The following PCDHGB2 variants were observed in gnomAD, a reference collection of about 807,000 sequenced individuals.
The protein encoded by PCDHGB2 is protocadherin gamma-B2.
Under a neutral mutation model 59.3 loss-of-function variants are expected in PCDHGB2, and 55 were observed. The ratio of observed to expected loss-of-function variants is 0.93; its 90% confidence interval spans 0.75 to 1.16. The LOEUF (loss-of-function observed/expected upper bound fraction) is 1.16, where lower values mean the gene tolerates loss of function less well. Among genes scored for constraint, PCDHGB2 ranks in the 50% most tolerant of loss-of-function variants. The pLI, the probability that PCDHGB2 is intolerant of heterozygous loss-of-function variation, is 0.00. For missense variants in PCDHGB2, 1,228 were observed against 1,198.5 expected, an observed-to-expected ratio of 1.02 and a Z score of -0.36; for synonymous variants, 516 against 512.0, an observed-to-expected ratio of 1.01 and a Z score of -0.11.
At chr5:141,393,821 G>T (rs2240700) in intron 1 of PCDHGB2, 228,339 of 1,613,716 alleles carry the variant, frequency 0.14, 18,414 homozygotes, top group African/African-American at 0.32. Context: ...TGCTCATTTC[G>T]GTGGAAGATG....
intron 1 of PCDHGB2, chr5:141,395,524 T>A: frequency 2.5e-6 from 1 of 392,376 alleles, no homozygotes; most frequent in Non-Finnish European, 4.5e-6. Flanking sequence ...CCGTCCATAC[T>A]GGTAATTTTG....
Position 141,431,474 on chromosome 5 carries a change from G to C in PCDHGB2, c.2422-63333G>C. On this transcript the variant is annotated intron_variant, in intron 1 of 3. Coordinates refer to ENST00000522605, the MANE Select transcript of PCDHGB2 (RefSeq NM_018923.3). The surrounding 1 kb of genome is among the most constrained non-coding windows in gnomAD (Gnocchi z 4.8). The stretch of plus-strand genomic sequence containing the variant: ...GATGGTTCTGGATGCGAACGACAAC[G>C]CACCAGCGTTTGCTCAGCCCGAGTA... 6.2e-7 allele frequency: 1 copy of C among 1,613,842 alleles called. No individual in the cohort carries two copies. The highest frequency in any genetic ancestry group is 8.5e-7 in the Non-Finnish European group (1 of 1,179,958).
intron 1 of PCDHGB2, among the ~76,000 whole-genome samples, chr5:141,373,339 C>A (rs1769496946): frequency 6.6e-6 from 1 of 152,172 alleles, no homozygotes; most frequent in African/African-American, 2.4e-5. Context: ...TCTAAAATGG[C>A]AACTCTTGTA....
intron 1 of PCDHGB2, chr5:141,433,025 G>A: frequency 6.2e-7 from 1 of 1,614,144 alleles, no homozygotes; most frequent in Non-Finnish European, 8.5e-7. Context: ...CTATTCCCAC[G>A]AGGTTTCCCT....
chr5:141,389,712 A>G, intron 1 of PCDHGB2: 1 of 1,612,620 alleles, frequency 6.2e-7, no homozygotes, highest in East Asian at 2.2e-5. Context: ...GCTGCAGGCT[A>G]GCGAGCCCGG....
At chr5:141,378,646 T>C (rs1429624109) in intron 1 of PCDHGB2, 2 of 152,184 alleles carry the variant, frequency 1.3e-5, no homozygotes. Flanking sequence ...GGAGAACAAA[T>C]GTTAATGAGG....
At chr5:141,468,853 G>C (rs893773356) in intron 1 of PCDHGB2, among the ~76,000 whole-genome samples, 5 of 150,898 alleles carry the variant, frequency 3.3e-5, no homozygotes, top group Non-Finnish European at 7.4e-5. Flanking sequence ...GCAACAGAGC[G>C]AGACTCCATC....
chr5:141,432,649 A>C lies in PCDHGB2; in HGVS notation c.2422-62158A>C, dbSNP rs769351399. The C allele has an allele frequency of 5.6e-6, 9 of 1,613,742 alleles. No individual in the cohort carries two copies. The highest frequency in any genetic ancestry group is 6.8e-6 in the Non-Finnish European group (8 of 1,179,918). ...ACACGGGCGAGGTGCGCACGGCGCG[A>C]GCCCTGCTGGACAGAGACGCGCTCA... is the stretch of plus-strand genomic sequence containing the variant. On this transcript the variant is annotated intron_variant, in intron 1 of 3. Transcript: ENST00000522605. This position sits in a 1 kb window ranked among gnomAD's most constrained non-coding sequence, Gnocchi z 6.0.
intron 2 of PCDHGB2, among the ~76,000 whole-genome samples, chr5:141,500,775 T>C (rs1251282826): frequency 6.6e-6 from 1 of 152,218 alleles, no homozygotes; most frequent in Non-Finnish European, 1.5e-5. Context: ...CTTATGAATA[T>C]ACATATTATT....
At chr5:141,376,807 C>T in intron 1 of PCDHGB2, 1 of 328,760 alleles carries the variant, frequency 3.0e-6, no homozygotes, top group Admixed American at 4.7e-5. Context: ...CTGCCTCAGC[C>T]TCCCTAGTAG....
In PCDHGB2 at chr5:141,360,398, A is replaced by G. The variant is rs1171343282; in HGVS notation, c.263A>G (p.Asp88Gly). The G allele has an allele frequency of 2.5e-6, 4 of 1,613,808 alleles. No homozygotes were observed. The highest frequency in any genetic ancestry group is 3.4e-6 in the Non-Finnish European group (4 of 1,179,834). Reference sequence around the variant, plus strand: ...GAAAGCGGAGACTTACTTGTGAGTGACAGAATAGACCGAGAACAGATATGC... The same window carrying G: ...GAAAGCGGAGACTTACTTGTGAGTGGCAGAATAGACCGAGAACAGATATGC... Reference protein sequence around the residue: ...NPESGDLLVSDRIDREQICGK... With the variant: ...NPESGDLLVSGRIDREQICGK... The change falls in exon 1 of 4, where the codon GAC becomes GGC. Residue 88 changes from aspartate (D) to glycine (G), a missense_variant. Around this residue, in one of 3 missense-constraint regions of PCDHGB2, gnomAD observed 781 missense variants for 721.6 expected, o/e 1.08. Coordinates refer to ENST00000522605, the MANE Select transcript of PCDHGB2 (RefSeq NM_018923.3).
chr5:141,388,160 G>A (rs766854792), intron 1 of PCDHGB2: 9 of 1,474,272 alleles, frequency 6.1e-6, no homozygotes, highest in Non-Finnish European at 8.4e-6. Context: ...GGCTAGACAG[G>A]GAGGAGATAT....
chr5:141,458,350 A>C (rs1259508706), intron 1 of PCDHGB2, among the ~76,000 whole-genome samples: 1 of 152,162 alleles, frequency 6.6e-6, no homozygotes, highest in East Asian at 1.9e-4. Flanking sequence ...GGAGAGTTTA[A>C]TAAGCAAGAA....
In PCDHGB2 at chr5:141,360,857, T is replaced by G; in HGVS notation, c.722T>G (p.Val241Gly). 6.2e-7 allele frequency: 1 copy of G among 1,613,894 alleles called. No homozygotes were observed. Among genetic ancestry groups the G allele is most frequent in the Non-Finnish European group, 8.5e-7 (1 of 1,179,884 alleles). ...KVTDANDNPP[V>G]FSQDVYRVTL... Reference sequence around the variant, plus strand: ...ACGGATGCCAACGATAACCCTCCAGTGTTCAGCCAGGACGTGTACAGGGTC... The same window carrying G: ...ACGGATGCCAACGATAACCCTCCAGGGTTCAGCCAGGACGTGTACAGGGTC... Residue 241 changes from valine (V) to glycine (G), a missense_variant, in exon 1 of 4, where the codon GTG becomes GGG. Val to Gly is a moderately radical substitution (Grantham distance 109). This residue lies in a region of PCDHGB2 where 781 missense variants were observed against 721.6 expected (regional missense o/e 1.08). Coordinates refer to ENST00000522605, the MANE Select transcript of PCDHGB2 (RefSeq NM_018923.3).
At chr5:141,443,209 C>T (rs1183847804) in intron 1 of PCDHGB2, among the ~76,000 whole-genome samples, 2 of 152,030 alleles carry the variant, frequency 1.3e-5, no homozygotes, top group African/African-American at 2.4e-5. Flanking sequence ...GAGCTTGTCT[C>T]GCCAGGCGCA....
At chr5:141,366,636 T>C (rs374724936) in intron 1 of PCDHGB2, 12 of 1,614,240 alleles carry the variant, frequency 7.4e-6, no homozygotes, top group Non-Finnish European at 1.0e-5. Context: ...AGTCACCTGA[T>C]CTTTCCCCAG....
chr5:141,421,530 C>T (rs377652360), intron 1 of PCDHGB2: 274 of 1,613,922 alleles, frequency 1.7e-4, no homozygotes, highest in Non-Finnish European at 2.3e-4. Flanking sequence ...AGACGGTGTC[C>T]TCCTGTTTTT....
At chr5:141,433,395 C>CTATA (rs1426636882) in intron 1 of PCDHGB2, among the ~76,000 whole-genome samples, 2 of 150,654 alleles carry the variant, frequency 1.3e-5, no homozygotes, top group African/African-American at 4.9e-5. Context: ...ATCTATCTAT[C>CTATA]TATCTATCTA....
chr5:141,437,484 T>C (rs547317864), intron 1 of PCDHGB2, among the ~76,000 whole-genome samples: 2 of 152,332 alleles, frequency 1.3e-5, no homozygotes, highest in South Asian at 4.1e-4. Flanking sequence ...ATATTTAATC[T>C]CGTAGATCAC....
Sources: allele counts gnomAD v4.1 joint callset (sites outside exome capture counted in the v4.1 genomes callset), GRCh38; gene constraint gnomAD v4.1.1; regional missense constraint gnomAD v4.1.1; non-coding constraint Gnocchi (gnomAD v3.1); transcripts MANE v1.5; gene names NCBI Gene and HGNC (gene_info 2026-07-23, HGNC 2026-07-21).